Variants in ATXN1 observed in about 807,000 individuals in gnomAD.
The protein encoded by ATXN1 is ataxin-1.
In ATXN1, 8 loss-of-function variants were observed where a neutral mutation model predicts 56.4. That is an observed-to-expected ratio of 0.14 (90% confidence interval 0.08 to 0.26). The LOEUF (loss-of-function observed/expected upper bound fraction) is 0.26, where lower values mean the gene tolerates loss of function less well. Among genes scored for constraint, ATXN1 ranks in the 10% least tolerant of loss-of-function variants. The probability of loss-of-function intolerance (pLI) is 1.00; values close to 1 mark genes in which losing one functional copy is unlikely to be tolerated. For missense variants in ATXN1, 987 were observed against 1,106.5 expected, an observed-to-expected ratio of 0.89 and a Z score of 1.53; for synonymous variants, 514 against 494.6, an observed-to-expected ratio of 1.04 and a Z score of -0.52.
chr6:16,652,549 A>C (rs1758087235), intron 3 of ATXN1, among the ~76,000 whole-genome samples: 1 of 152,210 alleles, frequency 6.6e-6, no homozygotes, highest in Non-Finnish European at 1.5e-5. Flanking sequence ...CCTGTACTCT[A>C]TAATTTTTTA....
chr6:16,381,000 G>A (rs1024130708), intron 6 of ATXN1, among the ~76,000 whole-genome samples: 8 of 152,182 alleles, frequency 5.3e-5, no homozygotes, highest in Admixed American at 6.5e-5. Flanking sequence ...TTGTGAAAAG[G>A]GGAAATGTGG....
At chr6:16,680,337 C>G (rs1758788367) in intron 2 of ATXN1, among the ~76,000 whole-genome samples, 2 of 152,154 alleles carry the variant, frequency 1.3e-5, no homozygotes, top group Admixed American at 6.5e-5. Context: ...CCCCTACCCC[C>G]CAAACATGTC....
intron 3 of ATXN1, among the ~76,000 whole-genome samples, chr6:16,625,046 G>A (rs377372394): frequency 6.6e-6 from 1 of 152,160 alleles, no homozygotes; most frequent in Admixed American, 6.5e-5. Flanking sequence ...AACTGTCAAC[G>A]ATTACTGGGA....
chr6:16,688,726 C>G (rs1758972371), intron 2 of ATXN1, among the ~76,000 whole-genome samples: 3 of 152,032 alleles, frequency 2.0e-5, no homozygotes, highest in African/African-American at 7.2e-5. Flanking sequence ...CTGCTTTTAC[C>G]CGGCTCACTT....
intron 6 of ATXN1, among the ~76,000 whole-genome samples, chr6:16,365,317 C>T (rs938651366): frequency 6.6e-6 from 1 of 152,150 alleles, no homozygotes; most frequent in Non-Finnish European, 1.5e-5. Flanking sequence ...GCTGGGACTG[C>T]AGGCACGCAT....
intron 3 of ATXN1, among the ~76,000 whole-genome samples, chr6:16,587,846 G>A (rs1352513795): frequency 1.3e-5 from 2 of 151,430 alleles, no homozygotes; most frequent in African/African-American, 2.4e-5. Flanking sequence ...CAGGAGAATC[G>A]CTTGAACCTG....
At chr6:16,440,779 T>C (rs1184116227) in intron 6 of ATXN1, among the ~76,000 whole-genome samples, 3 of 152,100 alleles carry the variant, frequency 2.0e-5, no homozygotes, top group African/African-American at 2.4e-5. Flanking sequence ...ACAATAGCAA[T>C]GATAACAACA....
chr6:16,357,404 G>A (rs1761714385), intron 6 of ATXN1, among the ~76,000 whole-genome samples: 1 of 151,968 alleles, frequency 6.6e-6, no homozygotes, highest in Non-Finnish European at 1.5e-5. Context: ...TGAGTAGCTG[G>A]GACTACAGGT....
chr6:16,587,775 A>C (rs1360403799), intron 3 of ATXN1, among the ~76,000 whole-genome samples: 1 of 151,928 alleles, frequency 6.6e-6, no homozygotes, highest in Non-Finnish European at 1.5e-5. Context: ...TATACTAAAA[A>C]AAAAAACTAG....
At chr6:16,473,277 A>T (rs1323678232) in intron 6 of ATXN1, among the ~76,000 whole-genome samples, 1 of 152,208 alleles carries the variant, frequency 6.6e-6, no homozygotes. Flanking sequence ...ACCCGATATC[A>T]GGCAGTTTCA....
At chr6:16,454,621 T>A (rs1297750043) in intron 6 of ATXN1, among the ~76,000 whole-genome samples, 1 of 152,222 alleles carries the variant, frequency 6.6e-6, no homozygotes, top group East Asian at 1.9e-4. Context: ...ACACAGTACA[T>A]GTAATTGTAT....
rs1052305470 is a variant in ATXN1, at chr6:16,510,481, T to C, written c.-299+12146A>G. 1.1e-4 allele frequency among the ~76,000 whole-genome samples: 17 copies of C among 152,296 alleles called. No individual in the cohort carries two copies. The East Asian group carries it at 2.5e-3, about 22-fold the overall frequency. On this transcript the variant is annotated intron_variant, in intron 5 of 7. Transcript: ENST00000436367. ...AACTAGGGCCAGGCACAGTGGCTTA[T>C]ACCTAGCACTGTGGGAGGCAGAGGT...
At chr6:16,380,106 G>T (rs1474155624) in intron 6 of ATXN1, among the ~76,000 whole-genome samples, 1 of 152,302 alleles carries the variant, frequency 6.6e-6, no homozygotes, top group East Asian at 1.9e-4. Flanking sequence ...TGCAATCCAG[G>T]TGTACATCAC....
chr6:16,400,336 T>C (rs967627493), intron 6 of ATXN1, among the ~76,000 whole-genome samples: 7 of 152,162 alleles, frequency 4.6e-5, no homozygotes, highest in African/African-American at 1.7e-4. Flanking sequence ...CCCTCTGAGG[T>C]GGAGAGAGCT....
intron 2 of ATXN1, 99 bp from the exon 3 acceptor site, chr6:16,658,000 A>G (rs770752465): frequency 2.6e-5 from 4 of 152,220 alleles, no homozygotes; most frequent in Non-Finnish European, 4.4e-5. Context: ...TCTCAAATGT[A>G]TATTTCATAA....
intron 5 of ATXN1, among the ~76,000 whole-genome samples, chr6:16,513,903 C>T (rs1264278882): frequency 6.6e-6 from 1 of 152,170 alleles, no homozygotes; most frequent in Non-Finnish European, 1.5e-5. Flanking sequence ...GGCAAGATGT[C>T]AGGAATTCTC....
chr6:16,756,769 C>T (rs961042627), intron 1 of ATXN1, among the ~76,000 whole-genome samples: 9 of 152,160 alleles, frequency 5.9e-5, no homozygotes, highest in Non-Finnish European at 1.3e-4. Flanking sequence ...CAGATAACTA[C>T]AGTTTAAAGA....
chr6:16,535,353 A>G (rs544780902), intron 4 of ATXN1, among the ~76,000 whole-genome samples: 17 of 152,228 alleles, frequency 1.1e-4, no homozygotes, highest in Non-Finnish European at 2.2e-4. Flanking sequence ...AGCATGGAGC[A>G]TCTTGTAGTA....
chr6:16,751,474 G>A (rs1205233621), intron 2 of ATXN1, among the ~76,000 whole-genome samples: 1 of 151,948 alleles, frequency 6.6e-6, no homozygotes, highest in Non-Finnish European at 1.5e-5. Context: ...GGACTTTTTT[G>A]GCTGTTTTTC....
Sources: allele counts gnomAD v4.1 joint callset (sites outside exome capture counted in the v4.1 genomes callset), GRCh38; gene constraint gnomAD v4.1.1; transcripts MANE v1.5; gene names NCBI Gene and HGNC (gene_info 2026-07-23, HGNC 2026-07-21).